NIPA1: variants seen among roughly 807,000 people sequenced by gnomAD.
NIPA1 encodes NIPA magnesium transporter 1, also known as magnesium transporter NIPA1.
A neutral mutation model predicts 23.9 loss-of-function variants in NIPA1; 13 were observed. The ratio of observed to expected loss-of-function variants is 0.54; its 90% confidence interval spans 0.35 to 0.87. The LOEUF (loss-of-function observed/expected upper bound fraction) is 0.87, where lower values mean the gene tolerates loss of function less well. Among genes scored for constraint, NIPA1 ranks in the 40% least tolerant of loss-of-function variants. The pLI, the probability that NIPA1 is intolerant of heterozygous loss-of-function variation, is 0.01. For missense variants in NIPA1, 362 were observed against 429.7 expected (o/e 0.84, Z 1.39); for synonymous variants, 234 against 202.9 (o/e 1.15, Z -1.30).
intron 1 of NIPA1, among the ~76,000 whole-genome samples, chr15:22,799,508 C>T (rs1391238598): frequency 2.0e-5 from 3 of 151,916 alleles, no homozygotes; most frequent in Admixed American, 1.3e-4. Context: ...GGCCGGCCAG[C>T]GCAGTGGCTC....
At chr15:22,803,121 T>A (rs1895121421) in intron 1 of NIPA1, among the ~76,000 whole-genome samples, 1 of 151,996 alleles carries the variant, frequency 6.6e-6, no homozygotes, top group Non-Finnish European at 1.5e-5. Context: ...CATGCCTGGC[T>A]AAGTTTTGTA....
intron 2 of NIPA1, among the ~76,000 whole-genome samples, chr15:22,811,889 T>TA (rs1157603516): frequency 1.3e-5 from 2 of 152,190 alleles, no homozygotes; most frequent in Non-Finnish European, 2.9e-5. Flanking sequence ...AGAGCGGAGA[T>TA]ATGCCCAGTG....
intron 1 of NIPA1, among the ~76,000 whole-genome samples, chr15:22,793,437 GCTT>G (rs1450243879): frequency 6.6e-6 from 1 of 150,712 alleles, no homozygotes; most frequent in East Asian, 1.9e-4. Flanking sequence ...AAACATTAGA[GCTT>G]CTTTTTTTTT....
In NIPA1 at chr15:22,786,759, G is replaced by T; in HGVS notation, c.103G>T (p.Ala35Ser). ...CGCCGTGTCGCTCGGCCTGGGCGTG[G>T]CCGTCGTGTCGAGCCTGGTGAACGG... ...PAAVSLGLGV[A>S]VVSSLVNGST... The change falls in exon 1 of 5, where the codon GCC (alanine) becomes TCC (serine). Residue 35 changes from alanine (A) to serine (S), a missense_variant. Ala to Ser is a moderately conservative substitution (Grantham distance 99, BLOSUM62 1). Coordinates refer to ENST00000337435, the MANE Select transcript of NIPA1 (RefSeq NM_144599.5). 7.6e-7 allele frequency: 1 copy of T among 1,318,330 alleles called. No homozygotes were observed. 81.7% of individuals were successfully genotyped at this position (1,318,330 alleles called of 1,614,324 possible).
chr15:22,803,992 T>A (rs563848785), intron 1 of NIPA1, among the ~76,000 whole-genome samples: 1 of 149,878 alleles, frequency 6.7e-6, no homozygotes, highest in Admixed American at 6.7e-5. Context: ...TTTTTGTTTT[T>A]TTGAGACAGG....
rs150403544 is a variant in NIPA1, at chr15:22,824,456, A to G, written c.*217A>G. 1.8e-4 allele frequency: 102 copies of G among 581,664 alleles called. No individual in the cohort carries two copies. The highest frequency in any genetic ancestry group is 1.7e-3 in the African/African-American group (90 of 53,766). The allele number at this position is 581,664 out of a possible 1,614,324, so 36.0% of individuals were successfully genotyped here. On this transcript the variant is annotated 3_prime_UTR_variant, in exon 5 of 5. Coordinates refer to ENST00000337435, the MANE Select transcript of NIPA1 (RefSeq NM_144599.5). This position sits in a 1 kb window ranked among gnomAD's most constrained non-coding sequence, Gnocchi z 4.1. The stretch of plus-strand genomic sequence containing the variant: ...ACGTCCCCAACGGTTGCCTGGCACC[A>G]TCTCTCTCTGATGAGACGAATCTCA...
intron 3 of NIPA1, among the ~76,000 whole-genome samples, chr15:22,816,796 C>A (rs1172606125): frequency 6.6e-6 from 1 of 151,576 alleles, no homozygotes; most frequent in Non-Finnish European, 1.5e-5. Context: ...CAGCAGAGGA[C>A]CTGATCTTAT....
intron 3 of NIPA1, among the ~76,000 whole-genome samples, chr15:22,815,983 A>T (rs1895406750): frequency 6.6e-6 from 1 of 152,248 alleles, no homozygotes; most frequent in East Asian, 1.9e-4. Flanking sequence ...CCCAGCTAAC[A>T]TCATACTTAA....
chr15:22,824,310 A>T lies in NIPA1; in HGVS notation c.*71A>T. On this transcript the variant is annotated 3_prime_UTR_variant, in exon 5 of 5. Transcript: ENST00000337435. This position sits in a 1 kb window ranked among gnomAD's most constrained non-coding sequence, Gnocchi z 4.1. The stretch of plus-strand genomic sequence containing the variant: ...GGTTTCTGGCCGTGATTGGATGTGA[A>T]GTAGAAGAGGTCCTCGATCATGGTG... 7.9e-7 allele frequency: 1 copy of T among 1,270,592 alleles called. No homozygotes were observed. Among genetic ancestry groups the T allele is most frequent in the Non-Finnish European group, 1.2e-6 (1 of 868,208 alleles). 78.7% of individuals were successfully genotyped at this position (1,270,592 alleles called of 1,614,324 possible). A position where few individuals can be genotyped will look rare whatever the true frequency, so the allele number is the denominator to read the frequency against.
chr15:22,790,408 G>C (rs1021783337), intron 1 of NIPA1, among the ~76,000 whole-genome samples: 17 of 149,616 alleles, frequency 1.1e-4, no homozygotes. Context: ...CTCCCGCCTC[G>C]GCCTCCCAAA....
intron 1 of NIPA1, among the ~76,000 whole-genome samples, chr15:22,790,215 A>C (rs1434740687): frequency 1.3e-5 from 2 of 152,150 alleles, no homozygotes; most frequent in African/African-American, 4.8e-5. Context: ...CCCAGTGACC[A>C]CCCAGTGCCA....
chr15:22,812,578 G>T (rs896748057), intron 3 of NIPA1, among the ~76,000 whole-genome samples: 1 of 151,854 alleles, frequency 6.6e-6, no homozygotes, highest in Non-Finnish European at 1.5e-5. Context: ...GCTTGAACCT[G>T]GGGGGCAGAG....
chr15:22,812,702 A>AT (rs1196170141), intron 3 of NIPA1, among the ~76,000 whole-genome samples: 2 of 152,026 alleles, frequency 1.3e-5, no homozygotes, highest in African/African-American at 2.4e-5. Flanking sequence ...ATATCGTTTA[A>AT]TTTTATCCCT....
chr15:22,801,317 G>T (rs979074144), intron 1 of NIPA1, among the ~76,000 whole-genome samples: 7 of 151,990 alleles, frequency 4.6e-5, no homozygotes, highest in Non-Finnish European at 7.4e-5. Flanking sequence ...AGCAGAGCAC[G>T]CTAGTACAGG....
chr15:22,817,435 G>A (rs1336236185), intron 3 of NIPA1, among the ~76,000 whole-genome samples: 3 of 149,096 alleles, frequency 2.0e-5, no homozygotes, highest in Non-Finnish European at 4.4e-5. Context: ...GTAGGCAGAG[G>A]TTGCAGTGAG....
chr15:22,797,615 T>A (rs1894967506), intron 1 of NIPA1, among the ~76,000 whole-genome samples: 1 of 150,586 alleles, frequency 6.6e-6, no homozygotes, highest in Non-Finnish European at 1.5e-5. Context: ...GCAGTTCTCC[T>A]GCCTCAGCCT....
chr15:22,812,288 T>A, intron 3 of NIPA1, 35 bp downstream of exon 3: 1 of 1,388,080 alleles, frequency 7.2e-7, no homozygotes, highest in Non-Finnish European at 1.0e-6. Flanking sequence ...ATTTAATGTG[T>A]AGTGTAGATA....
upstream of NIPA1, chr15:22,786,611 G>A: frequency 1.2e-6 from 1 of 812,804 alleles, no homozygotes; most frequent in African/African-American, 1.9e-5. Context: ...CCCGCCCCGC[G>A]GGGCGCGGCG....
intron 4 of NIPA1, among the ~76,000 whole-genome samples, chr15:22,822,626 C>T (rs934811323): frequency 3.9e-5 from 6 of 152,086 alleles, no homozygotes; most frequent in Admixed American, 6.5e-5. Flanking sequence ...GTCAGGAGTT[C>T]GAGACCAGCC....
Sources: allele counts gnomAD v4.1 joint callset (sites outside exome capture counted in the v4.1 genomes callset), GRCh38; gene constraint gnomAD v4.1.1; non-coding constraint Gnocchi (gnomAD v3.1); transcripts MANE v1.5; gene names NCBI Gene and HGNC (gene_info 2026-07-23, HGNC 2026-07-21).